Variants in PIAS1 observed in about 807,000 individuals in gnomAD.
The protein encoded by PIAS1 is protein inhibitor of activated STAT 1, also known as E3 SUMO-protein ligase PIAS1.
In PIAS1, 6 loss-of-function variants were observed where a neutral mutation model predicts 71.3. The ratio of observed to expected loss-of-function variants is 0.08; its 90% CI spans 0.05 to 0.17. The LOEUF is 0.17. Ranked by LOEUF, PIAS1 falls within the 10% of genes least tolerant of loss-of-function variation. PIAS1 has a pLI of 1.00. For synonymous variants in PIAS1, 303 were observed against 292.9 expected (o/e 1.03, Z -0.35); for missense variants, 555 against 793.6 (o/e 0.70, Z 3.61).
chr15:68,153,411 C>A (rs2092863134), intron 6 of PIAS1, among the ~76,000 whole-genome samples, 179 bp from the exon 7 acceptor site: 2 of 152,150 alleles, frequency 1.3e-5, no homozygotes, highest in African/African-American at 4.8e-5. Flanking sequence ...TTATGATCAT[C>A]TCGGCAGCTT....
chr15:68,075,933 G>C (rs958153069), intron 1 of PIAS1, among the ~76,000 whole-genome samples: 1 of 151,952 alleles, frequency 6.6e-6, no homozygotes, highest in African/African-American at 2.4e-5. Context: ...CAGGTGCCCA[G>C]GACCGTGCCT....
chr15:68,143,340 C>T (rs948710829), intron 4 of PIAS1, among the ~76,000 whole-genome samples: 13 of 152,164 alleles, frequency 8.5e-5, no homozygotes, highest in African/African-American at 3.1e-4. Flanking sequence ...GCCTGTTCAG[C>T]ACTTCATGGA....
rs573304044 is a variant in PIAS1, at chr15:68,173,369, T to A, written c.1009-363T>A. On this transcript the variant is annotated intron_variant, in intron 8 of 13. Coordinates refer to ENST00000249636, the MANE Select transcript of PIAS1 (RefSeq NM_016166.3). The surrounding 1 kb of genome is among the most constrained non-coding windows in gnomAD (Gnocchi z 4.3). Reference sequence around the variant, plus strand: ...GCAATATAGCAAGACCCCATCTGTTTAAAAAAAAAAAACTGGTGAAAGCAC... The same window carrying A: ...GCAATATAGCAAGACCCCATCTGTTAAAAAAAAAAAAACTGGTGAAAGCAC... Among the ~76,000 whole-genome samples the A allele has an allele frequency of 4.1e-5, 6 of 144,746 alleles. No homozygotes were observed. Among genetic ancestry groups the A allele is most frequent in the Admixed American group, 2.1e-4 (3 of 14,496 alleles). The allele number at this position is 144,746 out of a possible 152,430, so 95.0% of individuals were successfully genotyped here. A position where few individuals can be genotyped will look rare whatever the true frequency, so the allele number is the denominator to read the frequency against.
chr15:68,184,178 C>T lies in PIAS1; in HGVS notation c.1662+511C>T, dbSNP rs143536388. On this transcript the variant is annotated intron_variant, in intron 13 of 13. Coordinates refer to ENST00000249636, the MANE Select transcript of PIAS1 (RefSeq NM_016166.3). ...CATACAAAATCCACAGCTAATGTTG[C>T]CAGTAAGAGGCCACATCGAGTGACT... The T allele has an allele frequency of 4.9e-3, 749 of 152,058 alleles. 8 individuals carry two copies. The highest frequency in any genetic ancestry group is 0.037 in the South Asian group (179 of 4,806). The allele number at this position is 152,058 out of a possible 1,614,324, so 9.4% of individuals were successfully genotyped here. A position where few individuals can be genotyped will look rare whatever the true frequency, so the allele number is the denominator to read the frequency against.
intron 2 of PIAS1, among the ~76,000 whole-genome samples, chr15:68,110,381 A>C (rs770848663): frequency 1.6e-4 from 24 of 152,056 alleles, no homozygotes; most frequent in Non-Finnish European, 3.2e-4. Context: ...GATCACCTGA[A>C]GGTCAGGAGT....
chr15:68,091,689 A>C (rs551680314), intron 2 of PIAS1, among the ~76,000 whole-genome samples: 2 of 152,324 alleles, frequency 1.3e-5, no homozygotes, highest in Non-Finnish European at 2.9e-5. Flanking sequence ...TCAGAAATGC[A>C]CTTAATACAC....
At chr15:68,158,613 C>T (rs958253913) in intron 7 of PIAS1, among the ~76,000 whole-genome samples, 1 of 152,018 alleles carries the variant, frequency 6.6e-6, no homozygotes, top group Non-Finnish European at 1.5e-5. Flanking sequence ...GTGCCACATA[C>T]ATAGTAGATC....
In PIAS1 at chr15:68,072,854, A is replaced by G. The variant is rs374590264; in HGVS notation, c.25-13452A>G. Among the ~76,000 whole-genome samples, 30 of 152,180 alleles carry G rather than the reference A, an allele frequency of 2.0e-4. No homozygotes were observed. In the East Asian group the frequency reaches 4.6e-3, roughly 23 times the overall value. ...TTCTGCAATTGAAAATGTTTTTACA[A>G]CTTCTCATTCTTTGTAGGATTAAGT... On this transcript the variant is annotated intron_variant, in intron 1 of 13. Coordinates refer to ENST00000249636, the MANE Select transcript of PIAS1 (RefSeq NM_016166.3).
chr15:68,119,067 TCAAA>T (rs769846045), intron 2 of PIAS1, among the ~76,000 whole-genome samples: 27 of 150,430 alleles, frequency 1.8e-4, no homozygotes, highest in African/African-American at 3.7e-4. Context: ...TATAAAGAAC[TCAAA>T]CAACTCAGCA....
At chr15:68,100,982 A>G (rs1021183966) in intron 2 of PIAS1, among the ~76,000 whole-genome samples, 4 of 150,586 alleles carry the variant, frequency 2.7e-5, no homozygotes, top group Admixed American at 6.6e-5. Flanking sequence ...TGCAGCCTCA[A>G]CCTCCCTGGC....
rs1423222694 is a variant in PIAS1, at chr15:68,173,176, TG to T, written c.1009-554del. Among the ~76,000 whole-genome samples the T allele has an allele frequency of 2.0e-5, 3 of 152,194 alleles. No individual in the cohort carries two copies. Among genetic ancestry groups the T allele is most frequent in the African/African-American group, 4.8e-5 (2 of 41,440 alleles). ...AGTAAGGTGGTTCTTAAATTTTTTT[TG>T]GATCAAGGACTGCTTTAAGAATTTG... On this transcript the variant is annotated intron_variant, in intron 8 of 13. Transcript: ENST00000249636. This position sits in a 1 kb window ranked among gnomAD's most constrained non-coding sequence, Gnocchi z 4.3.
chr15:68,087,711 C>G, intron 2 of PIAS1: 1 of 244,676 alleles, frequency 4.1e-6, no homozygotes, highest in South Asian at 4.3e-5. Flanking sequence ...TGTTACAGAT[C>G]ATTGAACATT....
intron 2 of PIAS1, among the ~76,000 whole-genome samples, chr15:68,128,379 C>G (rs556182098): frequency 2.0e-4 from 30 of 152,198 alleles, no homozygotes; most frequent in African/African-American, 6.5e-4. Flanking sequence ...GTTGCCCAGG[C>G]TTAAATGATC....
chr15:68,073,063 T>C (rs2092117750), intron 1 of PIAS1, among the ~76,000 whole-genome samples: 1 of 152,222 alleles, frequency 6.6e-6, no homozygotes, highest in African/African-American at 2.4e-5. Context: ...TCGCCCAGGC[T>C]GGAGTGCAGT....
At chr15:68,089,733 T>G (rs1051034507) in intron 2 of PIAS1, among the ~76,000 whole-genome samples, 5 of 152,026 alleles carry the variant, frequency 3.3e-5, no homozygotes, top group Non-Finnish European at 5.9e-5. Flanking sequence ...ATTTTGTATT[T>G]TTAGTAGAGA....
intron 2 of PIAS1, among the ~76,000 whole-genome samples, chr15:68,106,376 TAAAC>T (rs2092470056): frequency 2.4e-5 from 3 of 125,166 alleles, no homozygotes; most frequent in African/African-American, 8.9e-5. Flanking sequence ...AAAAAAAGAA[TAAAC>T]AAAAGAAACA....
intron 2 of PIAS1, among the ~76,000 whole-genome samples, chr15:68,113,606 C>T (rs539421031): frequency 6.6e-6 from 1 of 152,038 alleles, no homozygotes; most frequent in African/African-American, 2.4e-5. Context: ...TTATAGACTC[C>T]TTTGATTAAG....
intron 7 of PIAS1, among the ~76,000 whole-genome samples, chr15:68,160,659 A>C (rs934996144): frequency 6.6e-6 from 1 of 152,222 alleles, no homozygotes; most frequent in East Asian, 1.9e-4. Flanking sequence ...TCAGCATTCA[A>C]ATGCTGAAAT....
At chr15:68,069,296 T>C (rs1219649060) in intron 1 of PIAS1, among the ~76,000 whole-genome samples, 1 of 152,174 alleles carries the variant, frequency 6.6e-6, no homozygotes, top group East Asian at 1.9e-4. Context: ...TGGCTATAGG[T>C]ATTCTCTGCT....
Sources: gnomAD v4.1 joint callset for allele counts (sites outside exome capture counted in the v4.1 genomes callset) on GRCh38, gnomAD v4.1.1 for gene constraint, Gnocchi (gnomAD v3.1) non-coding constraint, MANE v1.5 for transcripts, NCBI Gene and HGNC (gene_info 2026-07-23, HGNC 2026-07-21) for gene names.